Variants in DENND1A observed in about 807,000 individuals in gnomAD.
DENND1A encodes DENN domain containing 1A.
DENND1A carries 51 observed loss-of-function variants against 113.7 expected under a neutral mutation model. The observed-to-expected ratio is 0.45, with a 90% CI of 0.36 to 0.57. The LOEUF (loss-of-function observed/expected upper bound fraction) is 0.57, where lower values mean the gene tolerates loss of function less well. Ranked by LOEUF, DENND1A falls within the 20% of genes least tolerant of loss-of-function variation. DENND1A has a pLI of 0.00. For missense variants in DENND1A, 1,258 were observed against 1,395.9 expected (o/e 0.90, Z 1.57); for synonymous variants, 565 against 570.8 (o/e 0.99, Z 0.14).
chr9:123,556,571 T>G (rs1388351687), intron 13 of DENND1A, among the ~76,000 whole-genome samples: 3 of 152,150 alleles, frequency 2.0e-5, no homozygotes, highest in Non-Finnish European at 4.4e-5. Context: ...AAAGTAAAAA[T>G]AGAAACAAAC....
At chr9:123,674,877 GA>G (rs2063974168) in intron 6 of DENND1A, among the ~76,000 whole-genome samples, 1 of 149,012 alleles carries the variant, frequency 6.7e-6, no homozygotes, top group Non-Finnish European at 1.5e-5. Flanking sequence ...CATATGGAGG[GA>G]AAAAATGTGA....
chr9:123,771,136 A>G (rs1275026092), intron 3 of DENND1A, among the ~76,000 whole-genome samples: 1 of 152,206 alleles, frequency 6.6e-6, no homozygotes. Context: ...CATTACTTAT[A>G]TATTAGTTAA....
At chr9:123,425,860 C>T (rs80081028) in intron 19 of DENND1A, among the ~76,000 whole-genome samples, 3,352 of 152,322 alleles carry the variant, frequency 0.022, 123 homozygotes, top group African/African-American at 0.074. Context: ...GGAGGATTTT[C>T]TGTTCAGGTG....
chr9:123,580,955 G>C (rs1323597460), intron 12 of DENND1A, among the ~76,000 whole-genome samples: 1 of 152,174 alleles, frequency 6.6e-6, no homozygotes, highest in Non-Finnish European at 1.5e-5. Flanking sequence ...TTCAGGCAAG[G>C]CACGTGCTCT....
chr9:123,487,516 A>C (rs1424726152), intron 13 of DENND1A, among the ~76,000 whole-genome samples: 1 of 152,374 alleles, frequency 6.6e-6, no homozygotes, highest in South Asian at 2.1e-4. Flanking sequence ...GGCTACTCTC[A>C]GACCAATGCG....
intron 13 of DENND1A, among the ~76,000 whole-genome samples, chr9:123,539,346 G>A (rs1053719218): frequency 6.6e-6 from 1 of 152,120 alleles, no homozygotes; most frequent in African/African-American, 2.4e-5. Context: ...TAAATTGTAA[G>A]TAAATGAAAG....
At chr9:123,384,804 G>A (rs191120562) in intron 22 of DENND1A, among the ~76,000 whole-genome samples, 164 of 152,096 alleles carry the variant, frequency 1.1e-3, no homozygotes, top group African/African-American at 3.6e-3. Flanking sequence ...AAAAATTTGC[G>A]GGGTGTGGTG....
chr9:123,616,572 GA>G (rs1189035677), intron 10 of DENND1A, among the ~76,000 whole-genome samples: 9 of 151,172 alleles, frequency 6.0e-5, no homozygotes, highest in South Asian at 2.1e-4. Flanking sequence ...GAGCTAAGGG[GA>G]AAAAAAAAGG....
chr9:123,669,070 C>T (rs983970505), intron 7 of DENND1A, among the ~76,000 whole-genome samples: 2 of 152,116 alleles, frequency 1.3e-5, no homozygotes, highest in Non-Finnish European at 1.5e-5. Context: ...ATATGAAATG[C>T]TTACCATTCA....
intron 9 of DENND1A, among the ~76,000 whole-genome samples, chr9:123,648,826 G>A (rs78768696): frequency 0.019 from 2,863 of 152,056 alleles, 75 homozygotes; most frequent in African/African-American, 0.064. Context: ...CAATAGAAAC[G>A]GTCTTCCTTT....
intron 4 of DENND1A, among the ~76,000 whole-genome samples, chr9:123,761,022 G>A (rs184149892): frequency 8.3e-4 from 126 of 152,228 alleles, no homozygotes; most frequent in African/African-American, 2.9e-3. Context: ...GGTATCGATA[G>A]GACTCGATGA....
intron 13 of DENND1A, among the ~76,000 whole-genome samples, chr9:123,545,256 C>T (rs2056583449): frequency 1.3e-5 from 2 of 152,038 alleles, no homozygotes; most frequent in Admixed American, 6.5e-5. Flanking sequence ...GTAGCCTAAG[C>T]CTGAATGTCA....
chr9:123,790,933 TTTCTTTTCA>T (rs1315498633), intron 3 of DENND1A, among the ~76,000 whole-genome samples: 2 of 152,220 alleles, frequency 1.3e-5, no homozygotes, highest in Non-Finnish European at 2.9e-5. Flanking sequence ...TTGTATTTTC[TTTCTTTTCA>T]TTCTTTTGTA....
intron 5 of DENND1A, among the ~76,000 whole-genome samples, chr9:123,693,173 C>G (rs779942382): frequency 1.3e-5 from 2 of 152,174 alleles, no homozygotes; most frequent in African/African-American, 4.8e-5. Flanking sequence ...TGAATCCATA[C>G]AACATTTCCA....
intron 15 of DENND1A, among the ~76,000 whole-genome samples, chr9:123,456,417 C>G (rs1161072547): frequency 6.6e-6 from 1 of 152,222 alleles, no homozygotes; most frequent in Non-Finnish European, 1.5e-5. Flanking sequence ...ACCAACACCT[C>G]TCTGGGCCTT....
At chr9:123,579,182 T>G (rs145824199) in intron 12 of DENND1A, among the ~76,000 whole-genome samples, 1 of 152,332 alleles carries the variant, frequency 6.6e-6, no homozygotes, top group African/African-American at 2.4e-5. Flanking sequence ...GCTGATAGGA[T>G]ATATGTTTTA....
chr9:123,863,319 GA>G (rs1845327596), intron 2 of DENND1A, among the ~76,000 whole-genome samples: 1 of 152,166 alleles, frequency 6.6e-6, no homozygotes, highest in Admixed American at 6.5e-5. Context: ...ACTCAGAGTT[GA>G]TTCAAATGTA....
intron 2 of DENND1A, among the ~76,000 whole-genome samples, chr9:123,863,597 TAA>T (rs767437542): frequency 1.4e-5 from 2 of 138,868 alleles, no homozygotes; most frequent in Non-Finnish European, 1.6e-5. Flanking sequence ...TCTAACAAGT[TAA>T]AAAAAAAAAA....
At chr9:123,474,571 G>A (rs776322173) in intron 13 of DENND1A, among the ~76,000 whole-genome samples, 4 of 152,212 alleles carry the variant, frequency 2.6e-5, no homozygotes, top group Non-Finnish European at 5.9e-5. Context: ...TATGGCAAAT[G>A]TCTCTCATTA....
Sources: gnomAD v4.1 joint callset for allele counts (sites outside exome capture counted in the v4.1 genomes callset) on GRCh38, gnomAD v4.1.1 for gene constraint, MANE v1.5 for transcripts, NCBI Gene and HGNC (gene_info 2026-07-23, HGNC 2026-07-21) for gene names.